Variants in STK32A observed in about 807,000 individuals in gnomAD.
STK32A encodes the protein serine/threonine-protein kinase 32A.
Under a neutral mutation model 53.2 loss-of-function variants are expected in STK32A, and 41 were observed. That is an observed-to-expected ratio of 0.77 (90% CI 0.60 to 1.00). The LOEUF is 1.00. Among genes scored for constraint, STK32A ranks in the 50% least tolerant of loss-of-function variants. The pLI, the probability that STK32A is intolerant of heterozygous loss-of-function variation, is 0.00. For missense variants in STK32A, 458 were observed against 485.8 expected, an observed-to-expected ratio of 0.94 and a Z score of 0.54; for synonymous variants, 166 against 162.8, an observed-to-expected ratio of 1.02 and a Z score of -0.15.
At chr5:147,318,739 G>A (rs1042810760) in intron 4 of STK32A, among the ~76,000 whole-genome samples, 1 of 150,000 alleles carries the variant, frequency 6.7e-6, no homozygotes, top group Non-Finnish European at 1.5e-5. Context: ...CTGTGCCACT[G>A]CACTGCAGCC....
intron 5 of STK32A, among the ~76,000 whole-genome samples, chr5:147,324,731 C>A (rs973596315): frequency 2.6e-5 from 4 of 152,192 alleles, no homozygotes; most frequent in Admixed American, 2.6e-4. Context: ...ATGATCAGAG[C>A]AGATATAATT....
At chr5:147,239,881 C>T (rs1056813151) in intron 2 of STK32A, 195 bp downstream of exon 2, 1 of 563,322 alleles carries the variant, frequency 1.8e-6, no homozygotes, top group Non-Finnish European at 3.2e-6. Flanking sequence ...GGACCTTTGG[C>T]AGCTTTCCTA....
At chr5:147,267,029 C>CAA (rs60526828) in intron 2 of STK32A, among the ~76,000 whole-genome samples, 26 of 121,102 alleles carry the variant, frequency 2.1e-4, no homozygotes, top group Admixed American at 3.2e-4. Flanking sequence ...AACTCCATCT[C>CAA]AAAAAAAAAA....
intron 4 of STK32A, among the ~76,000 whole-genome samples, chr5:147,318,349 T>C (rs2151975601): frequency 6.6e-6 from 1 of 152,298 alleles, no homozygotes; most frequent in South Asian, 2.1e-4. Context: ...CTATAATTTA[T>C]TCCCATGCTC....
At chr5:147,370,884 A>T in intron 9 of STK32A, 114 bp downstream of exon 9, 1 of 607,462 alleles carries the variant, frequency 1.6e-6, no homozygotes, top group Non-Finnish European at 2.9e-6. Context: ...ATACATTTGT[A>T]GAGTGTATTT....
chr5:147,341,838 T>C (rs1215131577), intron 5 of STK32A, among the ~76,000 whole-genome samples: 1 of 152,088 alleles, frequency 6.6e-6, no homozygotes, highest in Non-Finnish European at 1.5e-5. Context: ...AAACACACAA[T>C]TTTTGGTTTA....
intron 4 of STK32A, among the ~76,000 whole-genome samples, chr5:147,308,745 A>C (rs1753547263): frequency 6.7e-6 from 1 of 150,034 alleles, no homozygotes; most frequent in South Asian, 2.1e-4. Context: ...TTTTTTTAAC[A>C]TGAATGAGTA....
chr5:147,254,963 C>A (rs1174276101), intron 2 of STK32A, among the ~76,000 whole-genome samples: 1 of 152,056 alleles, frequency 6.6e-6, no homozygotes, highest in Non-Finnish European at 1.5e-5. Flanking sequence ...CACGGTGAAA[C>A]CCCGTCTCTA....
chr5:147,277,632 A>G (rs929819720), intron 2 of STK32A, among the ~76,000 whole-genome samples: 2 of 152,214 alleles, frequency 1.3e-5, no homozygotes, highest in African/African-American at 4.8e-5. Context: ...CAAGGAGAAC[A>G]TTTTAAAGTG....
intron 7 of STK32A, among the ~76,000 whole-genome samples, chr5:147,360,135 G>A (rs892629465): frequency 6.6e-6 from 1 of 152,096 alleles, no homozygotes; most frequent in African/African-American, 2.4e-5. Flanking sequence ...GATTATCACT[G>A]TTAATTTCTA....
At chr5:147,399,029 G>A in the STK32A span, 2 of 1,590,444 alleles carry the variant, frequency 1.3e-6, no homozygotes, top group Non-Finnish European at 1.7e-6. Context: ...TCCTGACCAA[G>A]TTCCTTGCAT....
At chr5:147,392,783 G>A (rs755819037), downstream of STK32A, 2 of 152,184 alleles carry the variant, frequency 1.3e-5, no homozygotes, top group Non-Finnish European at 2.9e-5. Flanking sequence ...TTCCCCCAGA[G>A]TTTCTGCTAA....
chr5:147,251,114 C>G (rs4705029), intron 2 of STK32A, among the ~76,000 whole-genome samples: 1 of 151,858 alleles, frequency 6.6e-6, no homozygotes, highest in African/African-American at 2.4e-5. Context: ...TAATATAAAT[C>G]TATTAAATTG....
intron 9 of STK32A, among the ~76,000 whole-genome samples, chr5:147,371,418 G>C (rs1756999585): frequency 6.6e-6 from 1 of 151,960 alleles, no homozygotes; most frequent in Non-Finnish European, 1.5e-5. Context: ...AAACTGCTTT[G>C]GCCTTTTTCT....
downstream of STK32A, among the ~76,000 whole-genome samples, chr5:147,388,112 C>T (rs934593671): frequency 6.6e-6 from 1 of 152,208 alleles, no homozygotes; most frequent in African/African-American, 2.4e-5. Context: ...TCAGGGAACA[C>T]AGCCCAGAAT....
In STK32A at chr5:147,384,588, G is replaced by C; in HGVS notation, c.*605G>C. 1 of 595,670 alleles carries C rather than the reference G, an allele frequency of 1.7e-6. No homozygotes were observed. Among genetic ancestry groups the C allele is most frequent in the Non-Finnish European group, 2.8e-6 (1 of 353,598 alleles). The allele number at this position is 595,670 out of a possible 1,614,324, so 36.9% of individuals were successfully genotyped here. A position where few individuals can be genotyped will look rare whatever the true frequency, so the allele number is the denominator to read the frequency against. On this transcript the variant is annotated 3_prime_UTR_variant, in exon 13 of 13. Transcript: ENST00000397936. ...TAGATCCGCTTATCTCAGCTGGCAG[G>C]AGCCTGCTGTGCACACCACTTCCCA...
At chr5:147,313,022 C>CTTG (rs1036184720) in intron 4 of STK32A, among the ~76,000 whole-genome samples, 9 of 142,024 alleles carry the variant, frequency 6.3e-5, no homozygotes, top group Non-Finnish European at 9.0e-5. Flanking sequence ...AGGAAGGCTG[C>CTTG]TTGAGGCCAG....
intron 6 of STK32A, among the ~76,000 whole-genome samples, chr5:147,343,962 C>T (rs999191182): frequency 3.3e-5 from 5 of 152,072 alleles, no homozygotes; most frequent in Admixed American, 1.3e-4. Context: ...AGCTTTTGCC[C>T]GTGATGATTA....
chr5:147,348,526 A>G (rs1164653112), intron 6 of STK32A, among the ~76,000 whole-genome samples: 1 of 152,222 alleles, frequency 6.6e-6, no homozygotes, highest in African/African-American at 2.4e-5. Context: ...TCTGGGCACT[A>G]CATTGTAGGA....
Sources: allele counts gnomAD v4.1 joint callset (sites outside exome capture counted in the v4.1 genomes callset), GRCh38; gene constraint gnomAD v4.1.1; transcripts MANE v1.5; gene names NCBI Gene and HGNC (gene_info 2026-07-23, HGNC 2026-07-21).